MXD1: variants seen among roughly 807,000 people sequenced by gnomAD.
The protein encoded by MXD1 is MAX dimerization protein 1, also known as MAX-binding protein.
In MXD1, 9 loss-of-function variants were observed where a neutral mutation model predicts 25.7. The observed-to-expected ratio is 0.35, with a 90% CI of 0.21 to 0.61. The LOEUF (loss-of-function observed/expected upper bound fraction) is 0.61, where lower values mean the gene tolerates loss of function less well. MXD1 is among the 20% of genes least tolerant of loss of function. The pLI, the probability that MXD1 is intolerant of heterozygous loss-of-function variation, is 0.75. For synonymous variants in MXD1, 99 were observed against 113.9 expected (o/e 0.87, Z 0.83); for missense variants, 227 against 292.4 (o/e 0.78, Z 1.63).
chr2:69,942,589 C>T lies in MXD1; in HGVS notation c.*4305C>T, dbSNP rs1042502639. 1 of 152,140 alleles carries T rather than the reference C, an allele frequency of 6.6e-6. No homozygotes were observed. Among genetic ancestry groups the T allele is most frequent in the African/African-American group, 2.4e-5 (1 of 41,426 alleles). 9.4% of individuals were successfully genotyped at this position (152,140 alleles called of 1,614,324 possible). ...TGGGGTGGCAAGTTGAGGGAGCATT[C>T]TTCATTTTAGCTTTTACCTGACAAC... is the stretch of plus-strand genomic sequence containing the variant. On this transcript the variant is annotated 3_prime_UTR_variant, in exon 6 of 6. Coordinates refer to ENST00000264444, the MANE Select transcript of MXD1 (RefSeq NM_002357.4).
In MXD1 at chr2:69,915,229, G is replaced by A. The variant is rs917240728; in HGVS notation, c.-102G>A. The A allele has an allele frequency of 9.3e-7, 1 of 1,069,896 alleles. No individual in the cohort carries two copies. 66.3% of individuals were successfully genotyped at this position (1,069,896 alleles called of 1,614,324 possible). On this transcript the variant is annotated 5_prime_UTR_variant, in exon 1 of 6. Transcript: ENST00000264444. This position sits in a 1 kb window ranked among gnomAD's most constrained non-coding sequence, Gnocchi z 5.8. Reference sequence around the variant, plus strand: ...CCCTGCTCCGCGGGGTCCACAGCGGGCTCCACAGCGGGCTCCATAGCGGGC... The same window carrying A: ...CCCTGCTCCGCGGGGTCCACAGCGGACTCCACAGCGGGCTCCATAGCGGGC...
intron 3 of MXD1, among the ~76,000 whole-genome samples, chr2:69,922,632 C>T (rs1248163886): frequency 6.6e-6 from 1 of 152,160 alleles, no homozygotes; most frequent in Non-Finnish European, 1.5e-5. Flanking sequence ...GTAATCCCAG[C>T]ACTTTGGGAG....
Position 69,915,235 on chromosome 2 carries a change from CAGCGGGCTCCAT to C in MXD1, c.-84_-73del, listed in dbSNP as rs1305740907. The C allele has an allele frequency of 2.4e-4, 274 of 1,139,824 alleles. 1 individual carries two copies. The South Asian group carries it at 2.7e-3, about 11-fold the overall frequency. 70.6% of individuals were successfully genotyped at this position (1,139,824 alleles called of 1,614,324 possible). A position where few individuals can be genotyped will look rare whatever the true frequency, so the allele number is the denominator to read the frequency against. On this transcript the variant is annotated 5_prime_UTR_variant, in exon 1 of 6. Transcript: ENST00000264444. This position sits in a 1 kb window ranked among gnomAD's most constrained non-coding sequence, Gnocchi z 5.8. Reference sequence around the variant, plus strand: ...TCCGCGGGGTCCACAGCGGGCTCCACAGCGGGCTCCATAGCGGGCTCCACAGCGGTCCGGCGG... The same window carrying C: ...TCCGCGGGGTCCACAGCGGGCTCCACAGCGGGCTCCACAGCGGTCCGGCGG...
rs999725507 is a variant in MXD1 at position 69,938,367 on chromosome 2, C to A, written c.*83C>A. 12 of 1,427,708 alleles carry A rather than the reference C, an allele frequency of 8.4e-6. No homozygotes were observed. The highest frequency in any genetic ancestry group is 1.1e-5 in the Non-Finnish European group (11 of 1,038,216). The allele number at this position is 1,427,708 out of a possible 1,614,324, so 88.4% of individuals were successfully genotyped here. On this transcript the variant is annotated 3_prime_UTR_variant, in exon 6 of 6. Coordinates refer to ENST00000264444, the MANE Select transcript of MXD1 (RefSeq NM_002357.4). ...AACGTATTGGACCTGCCCACAACTC[C>A]CTTGCACGTAAACTTCAGTGTCCCA... is the stretch of plus-strand genomic sequence containing the variant.
At chr2:69,922,163 AAC>A (rs1262733861) in intron 3 of MXD1, among the ~76,000 whole-genome samples, 1 of 152,252 alleles carries the variant, frequency 6.6e-6, no homozygotes, top group Non-Finnish European at 1.5e-5. Context: ...AGTATATATT[AAC>A]ACATGTGTAT....
At chr2:69,924,750 C>A (rs79311615) in intron 3 of MXD1, among the ~76,000 whole-genome samples, 77 of 129,278 alleles carry the variant, frequency 6.0e-4, no homozygotes, top group African/African-American at 1.8e-3. Context: ...CCATGGCTCT[C>A]AAAAAAAAAA....
chr2:69,937,405 C>G lies in MXD1; in HGVS notation c.478+11C>G, dbSNP rs756292797. 9.4e-6 allele frequency: 15 copies of G among 1,591,674 alleles called. No individual in the cohort carries two copies. Among genetic ancestry groups the G allele is most frequent in the East Asian group, 2.2e-5 (1 of 44,544 alleles). ...CCGACTCCGACAGGGGTGAGCCTCTCTCACTCTCCTCCCTGTCTCCCTTGT... is the reference window on the plus strand; with the variant it reads ...CCGACTCCGACAGGGGTGAGCCTCTGTCACTCTCCTCCCTGTCTCCCTTGT... On this transcript the variant is annotated intron_variant, in intron 5 of 5. Coordinates refer to ENST00000264444, the MANE Select transcript of MXD1 (RefSeq NM_002357.4).
In MXD1 at chr2:69,942,915, C is replaced by G. The variant is rs1677644252; in HGVS notation, c.*4631C>G. ...GTAAACTGTATTGTTCAACTGTTAACAAATAATAAATTATTTCATTATTAA... is the reference window on the plus strand; with the variant it reads ...GTAAACTGTATTGTTCAACTGTTAAGAAATAATAAATTATTTCATTATTAA... On this transcript the variant is annotated 3_prime_UTR_variant, in exon 6 of 6. Coordinates refer to ENST00000264444, the MANE Select transcript of MXD1 (RefSeq NM_002357.4). 6.6e-6 allele frequency: 1 copy of G among 152,210 alleles called. No homozygotes were observed. Among genetic ancestry groups the G allele is most frequent in the Non-Finnish European group, 1.5e-5 (1 of 68,036 alleles). The allele number at this position is 152,210 out of a possible 1,614,324, so 9.4% of individuals were successfully genotyped here.
chr2:69,922,449 G>A (rs1457489618), intron 3 of MXD1, among the ~76,000 whole-genome samples: 1 of 152,136 alleles, frequency 6.6e-6, no homozygotes, highest in African/African-American at 2.4e-5. Context: ...AGAATCACTT[G>A]CAAAGCTTTC....
At chr2:69,922,222 C>G (rs1677080405) in intron 3 of MXD1, among the ~76,000 whole-genome samples, 1 of 152,138 alleles carries the variant, frequency 6.6e-6, no homozygotes, top group Non-Finnish European at 1.5e-5. Flanking sequence ...AATGAAGAGT[C>G]TCAAAATTCA....
chr2:69,936,105 G>T (rs1041483425), intron 4 of MXD1, among the ~76,000 whole-genome samples: 1 of 151,674 alleles, frequency 6.6e-6, no homozygotes, highest in Non-Finnish European at 1.5e-5. Flanking sequence ...CCTCTGCTTG[G>T]TACACTTTCC....
intron 2 of MXD1, among the ~76,000 whole-genome samples, chr2:69,919,671 C>T (rs1242689719): frequency 7.9e-5 from 12 of 152,052 alleles, no homozygotes; most frequent in African/African-American, 2.7e-4. Flanking sequence ...AGGCTTTGAA[C>T]TTACTAGTCC....
chr2:69,937,076 G>T, intron 4 of MXD1, 159 bp from the exon 5 acceptor site: 1 of 930,880 alleles, frequency 1.1e-6, no homozygotes, highest in Non-Finnish European at 1.8e-6. Flanking sequence ...GGAGTCACTG[G>T]CCAGTCGACT....
rs1163388118 is a variant in MXD1, at chr2:69,942,057, CCAA to C, written c.*3774_*3776del. 6.6e-6 allele frequency: 1 copy of C among 152,110 alleles called. No homozygotes were observed. Among genetic ancestry groups the C allele is most frequent in the African/African-American group, 2.4e-5 (1 of 41,394 alleles). The allele number at this position is 152,110 out of a possible 1,614,324, so 9.4% of individuals were successfully genotyped here. ...TCTTTTCTGTTTCTTCTTTGTTTCC[CCAA>C]GTTTGTCTGTCCCCCTTTGCCTTCC... On this transcript the variant is annotated 3_prime_UTR_variant, in exon 6 of 6. Transcript: ENST00000264444.
intron 4 of MXD1, among the ~76,000 whole-genome samples, chr2:69,936,426 T>C (rs1193820767): frequency 6.6e-6 from 1 of 152,134 alleles, no homozygotes; most frequent in African/African-American, 2.4e-5. Context: ...GCTACCTGAA[T>C]AGCAAAGGGT....
chr2:69,930,574 C>G (rs1323377626), intron 3 of MXD1, among the ~76,000 whole-genome samples: 1 of 152,188 alleles, frequency 6.6e-6, no homozygotes, highest in Non-Finnish European at 1.5e-5. Flanking sequence ...TAAGCACTTT[C>G]TGTGTTTCCA....
chr2:69,934,261 G>A (rs1677368414), intron 3 of MXD1, among the ~76,000 whole-genome samples: 1 of 152,212 alleles, frequency 6.6e-6, no homozygotes, highest in South Asian at 2.1e-4. Flanking sequence ...TGTGAGCTAG[G>A]ATGGCTTGGG....
At chr2:69,932,896 T>A (rs1249629759) in intron 3 of MXD1, among the ~76,000 whole-genome samples, 4 of 152,190 alleles carry the variant, frequency 2.6e-5, no homozygotes, top group Non-Finnish European at 5.9e-5. Flanking sequence ...AATATAATTT[T>A]AATTTTTGAA....
chr2:69,920,291 CT>C (rs1272450357), intron 2 of MXD1, among the ~76,000 whole-genome samples: 17 of 152,288 alleles, frequency 1.1e-4, no homozygotes, highest in African/African-American at 3.9e-4. Flanking sequence ...TAGCCTGAAA[CT>C]TTTAAGTTAA....
Sources: gnomAD v4.1 joint callset for allele counts (sites outside exome capture counted in the v4.1 genomes callset) on GRCh38, gnomAD v4.1.1 for gene constraint, Gnocchi (gnomAD v3.1) non-coding constraint, MANE v1.5 for transcripts, NCBI Gene and HGNC (gene_info 2026-07-23, HGNC 2026-07-21) for gene names.